Variants in CEP44 observed in about 807,000 individuals in gnomAD.
CEP44 encodes centrosomal protein 44.
Under a neutral mutation model 46.7 loss-of-function variants are expected in CEP44, and 45 were observed. The observed-to-expected ratio is 0.96, with a 90% CI of 0.76 to 1.24. The LOEUF (loss-of-function observed/expected upper bound fraction) is 1.24. CEP44 is among the 50% of genes most tolerant of loss of function. The probability of loss-of-function intolerance (pLI) is 0.00; values close to 1 mark genes in which losing one functional copy is unlikely to be tolerated. For missense variants in CEP44, 475 were observed against 459.7 expected, an observed-to-expected ratio of 1.03 and a Z score of -0.30; for synonymous variants, 142 against 146.0, an observed-to-expected ratio of 0.97 and a Z score of 0.20.
At chr4:174,289,574 C>A (rs1737943935) in intron 1 of CEP44, among the ~76,000 whole-genome samples, 1 of 151,660 alleles carries the variant, frequency 6.6e-6, no homozygotes, top group African/African-American at 2.4e-5. Flanking sequence ...CTTTTTATAT[C>A]TGTGGGATCA....
rs1443261688 is a variant in CEP44, at chr4:174,316,264, T to C, written c.1060T>C (p.Tyr354His). 2 of 1,611,120 alleles carry C rather than the reference T, an allele frequency of 1.2e-6. No individual in the cohort carries two copies. Among genetic ancestry groups the C allele is most frequent in the East Asian group, 2.2e-5 (1 of 44,836 alleles). ...AACTCCCAGAGCCTCTACTGTTAAT[T>C]ACTGTGGTTTGAATGAGATTTCAGA... Reference protein sequence around the residue: ...DSTPRASTVNYCGLNEISEET... With the variant: ...DSTPRASTVNHCGLNEISEET... The change falls in exon 10 of 12, where the codon TAC (tyrosine) becomes CAC (histidine). Residue 354 changes from tyrosine (Y) to histidine (H), a missense_variant. By Grantham distance (83) the Tyr-to-His change is moderately conservative (BLOSUM62 2). Transcript: ENST00000503780.
rs190788066 is a variant in CEP44, at chr4:174,290,035, T to A, written c.-148+6092T>A. ...CATGCTCAGCTAATTTTTGTATTTT[T>A]TGTAGAGATGGGGTTTCACCATGTT... On this transcript the variant is annotated intron_variant, in intron 1 of 11. Coordinates refer to ENST00000503780, the MANE Select transcript of CEP44 (RefSeq NM_001040157.3). The surrounding 1 kb of genome is among the most constrained non-coding windows in gnomAD (Gnocchi z 4.3). Among the ~76,000 whole-genome samples the A allele has an allele frequency of 5.2e-3, 796 of 152,190 alleles. 7 individuals carry two copies. The highest frequency in any genetic ancestry group is 0.018 in the African/African-American group (745 of 41,510).
chr4:174,304,436 C>G, intron 6 of CEP44, 67 bp downstream of exon 6: 1 of 1,554,352 alleles, frequency 6.4e-7, no homozygotes, highest in Non-Finnish European at 8.6e-7. Context: ...ATACAGTTTT[C>G]ACTTTTCTGA....
At chr4:174,285,809 T>G (rs1256917578) in intron 1 of CEP44, among the ~76,000 whole-genome samples, 1 of 152,224 alleles carries the variant, frequency 6.6e-6, no homozygotes. Flanking sequence ...TTTTTGCGGT[T>G]AAAGCCAGAG....
rs1740741819 is a variant in CEP44 at position 174,308,771 on chromosome 4, T to C, written c.590T>C (p.Val197Ala). The C allele has an allele frequency of 6.2e-7, 1 of 1,613,366 alleles. No homozygotes were observed. The highest frequency in any genetic ancestry group is 8.5e-7 in the Non-Finnish European group (1 of 1,179,468). ...GATACATTAAGTCCAATAACAGATGTTAATGAAGCAGTTGATGTGTCTGAC... is the reference window on the plus strand; with the variant it reads ...GATACATTAAGTCCAATAACAGATGCTAATGAAGCAGTTGATGTGTCTGAC... ...SEDTLSPITD[V>A]NEAVDVSDLN... is the part of the protein sequence containing the mutation. Residue 197 changes from valine to alanine, a missense_variant, in exon 7 of 12, where the codon GTT becomes GCT. Val to Ala is a moderately conservative substitution (Grantham distance 64). Coordinates refer to ENST00000503780, the MANE Select transcript of CEP44 (RefSeq NM_001040157.3).
In CEP44 at chr4:174,310,739, T is replaced by A; in HGVS notation, c.886-44T>A. ...CATTAAGAATATAAAATGAGAGGGTTTTTCTTTTTATTTCATTCTAAATAT... is the reference window on the plus strand; with the variant it reads ...CATTAAGAATATAAAATGAGAGGGTATTTCTTTTTATTTCATTCTAAATAT... On this transcript the variant is annotated intron_variant, in intron 8 of 11. Transcript: ENST00000503780. The surrounding 1 kb of genome is among the most constrained non-coding windows in gnomAD (Gnocchi z 4.2). 1 of 916,498 alleles carries A rather than the reference T, an allele frequency of 1.1e-6. No individual in the cohort carries two copies. Among genetic ancestry groups the A allele is most frequent in the East Asian group, 2.5e-5 (1 of 40,638 alleles). The allele number at this position is 916,498 out of a possible 1,614,324, so 56.8% of individuals were successfully genotyped here. A position where few individuals can be genotyped will look rare whatever the true frequency, so the allele number is the denominator to read the frequency against.
At chr4:174,322,810 T>C (rs1410029945), downstream of CEP44, among the ~76,000 whole-genome samples, 1 of 152,188 alleles carries the variant, frequency 6.6e-6, no homozygotes, top group African/African-American at 2.4e-5. Flanking sequence ...TAATGTCAAC[T>C]TTATTGTTAT....
chr4:174,302,458 A>G (rs2063189), intron 4 of CEP44, among the ~76,000 whole-genome samples: 151,924 of 152,214 alleles, frequency 1, 75,817 homozygotes, highest in Middle Eastern at 1. Context: ...GTAAAATTTG[A>G]TATACTGGCA....
intron 1 of CEP44, among the ~76,000 whole-genome samples, chr4:174,293,321 T>C (rs1173804890): frequency 6.6e-6 from 1 of 152,174 alleles, no homozygotes; most frequent in Non-Finnish European, 1.5e-5. Context: ...TCAAAATGGC[T>C]TCTATCAGTC....
At chr4:174,330,812 T>C (rs1731281669) in intron 8 of CEP44, among the ~76,000 whole-genome samples, 1 of 131,416 alleles carries the variant, frequency 7.6e-6, no homozygotes, top group Non-Finnish European at 1.6e-5. Context: ...TAGAGGCAAC[T>C]CATAATCTAA....
At position 174,305,463 on chromosome 4, in the gene CEP44, T is replaced by C. The variant is rs535119174; in HGVS notation, c.507+1094T>C. Among the ~76,000 whole-genome samples, 170 of 152,194 alleles carry C rather than the reference T, an allele frequency of 1.1e-3. 1 individual carries two copies. Among genetic ancestry groups the C allele is most frequent in the South Asian group, 5.6e-3 (27 of 4,828 alleles). ...AGCGAGACTCCATCTCAAAAAAATATGTTTATTCCTTTATACCTTAAAAAA... is the reference window on the plus strand; with the variant it reads ...AGCGAGACTCCATCTCAAAAAAATACGTTTATTCCTTTATACCTTAAAAAA... On this transcript the variant is annotated intron_variant, in intron 6 of 11. Transcript: ENST00000503780.
intron 3 of CEP44, among the ~76,000 whole-genome samples, chr4:174,300,579 GAAC>G (rs1239244766): frequency 1.3e-5 from 2 of 151,976 alleles, no homozygotes; most frequent in African/African-American, 4.8e-5. Flanking sequence ...GCATCATTAA[GAAC>G]AACAATTTTT....
chr4:174,304,259 C>G lies in CEP44; in HGVS notation c.397C>G (p.Gln133Glu). Residue 133 changes from glutamine (Q) to glutamate (E), a missense_variant, in exon 6 of 12, where the codon CAA (glutamine) becomes GAA (glutamate). Coordinates refer to ENST00000503780, the MANE Select transcript of CEP44 (RefSeq NM_001040157.3). ...LSSLQKIPSQQRKKISSGKSE... is the reference protein window; with the variant it reads ...LSSLQKIPSQERKKISSGKSE... The stretch of plus-strand genomic sequence containing the variant: ...CCTTTTTTTTTAGATTCCATCACAA[C>G]AAAGAAAGAAAATCAGTTCTGGTAA... The G allele has an allele frequency of 3.1e-6, 5 of 1,593,078 alleles. No individual in the cohort carries two copies. The highest frequency in any genetic ancestry group is 3.4e-6 in the Non-Finnish European group (4 of 1,174,308).
Position 174,319,246 on chromosome 4 carries a change from A to G in CEP44, c.*1863A>G, listed in dbSNP as rs781703529. 5.2e-6 allele frequency: 5 copies of G among 970,048 alleles called. No homozygotes were observed. Among genetic ancestry groups the G allele is most frequent in the Non-Finnish European group, 6.1e-6 (5 of 816,070 alleles). 60.1% of individuals were successfully genotyped at this position (970,048 alleles called of 1,614,324 possible). A position where few individuals can be genotyped will look rare whatever the true frequency, so the allele number is the denominator to read the frequency against. On this transcript the variant is annotated 3_prime_UTR_variant, in exon 12 of 12. Transcript: ENST00000503780. ...AAGCATGTTAGCTTTAATTTTTTCA[A>G]TTGTGAGAGAAGTACATTTATAAAA...
chr4:174,319,357 T>C lies in CEP44; in HGVS notation c.*1974T>C. The C allele has an allele frequency of 1.0e-6, 1 of 985,096 alleles. No homozygotes were observed. The highest frequency in any genetic ancestry group is 1.2e-6 in the Non-Finnish European group (1 of 829,612). The allele number at this position is 985,096 out of a possible 1,614,324, so 61.0% of individuals were successfully genotyped here. ...AAATATCAGTACCAGCATGGAATTA[T>C]AGCACCACCTTGTGGTTAACATGCC... is the stretch of plus-strand genomic sequence containing the variant. On this transcript the variant is annotated 3_prime_UTR_variant, in exon 12 of 12. Coordinates refer to ENST00000503780, the MANE Select transcript of CEP44 (RefSeq NM_001040157.3).
At chr4:174,298,677 A>G (rs1192778571) in intron 2 of CEP44, among the ~76,000 whole-genome samples, 2 of 152,064 alleles carry the variant, frequency 1.3e-5, no homozygotes, top group African/African-American at 2.4e-5. Context: ...ATTTGTCTCC[A>G]TTTTTTATTG....
chr4:174,295,694 C>T (rs1168422598), intron 1 of CEP44, among the ~76,000 whole-genome samples: 6 of 152,188 alleles, frequency 3.9e-5, no homozygotes, highest in African/African-American at 9.7e-5. Flanking sequence ...CCAGCCTGGG[C>T]ACCATTGAGC....
chr4:174,284,097 C>A lies in CEP44; in HGVS notation c.-148+154C>A. 1.0e-5 allele frequency: 4 copies of A among 399,026 alleles called. No individual in the cohort carries two copies. In the South Asian group the frequency reaches 5.1e-4, roughly 51 times the overall value. The allele number at this position is 399,026 out of a possible 1,614,324, so 24.7% of individuals were successfully genotyped here. ...ATATGCTCCGTTTTCCTCTCCCTGT[C>A]GTGCTGGGCCTTTGAAACCGGCTTC... On this transcript the variant is annotated intron_variant, in intron 1 of 11. Coordinates refer to ENST00000503780, the MANE Select transcript of CEP44 (RefSeq NM_001040157.3).
At chr4:174,291,490 GTTGT>G (rs1316273716) in intron 1 of CEP44, among the ~76,000 whole-genome samples, 6 of 151,772 alleles carry the variant, frequency 4.0e-5, no homozygotes, top group African/African-American at 7.3e-5. Flanking sequence ...AATTTCTGTG[GTTGT>G]TGTAGTTACT....
Sources: allele counts gnomAD v4.1 joint callset (sites outside exome capture counted in the v4.1 genomes callset), GRCh38; gene constraint gnomAD v4.1.1; non-coding constraint Gnocchi (gnomAD v3.1); transcripts MANE v1.5; gene names NCBI Gene and HGNC (gene_info 2026-07-23, HGNC 2026-07-21).